AMBRA1: variants seen among roughly 807,000 people sequenced by gnomAD.
AMBRA1 encodes autophagy and beclin 1 regulator 1, also known as activating molecule in BECN1-regulated autophagy protein 1.
A neutral mutation model predicts 125.4 loss-of-function variants in AMBRA1; 47 were observed. That is an observed-to-expected ratio of 0.37 (90% CI 0.30 to 0.48). The LOEUF is 0.48. AMBRA1 is among the 20% of genes least tolerant of loss of function. The pLI is 0.99. For missense variants in AMBRA1, 1,331 were observed against 1,693.4 expected (o/e 0.79, Z 3.76); for synonymous variants, 626 against 655.5 (o/e 0.95, Z 0.69).
intron 1 of AMBRA1, among the ~76,000 whole-genome samples, chr11:46,579,569 C>A (rs906127928): frequency 2.0e-5 from 3 of 152,158 alleles, no homozygotes; most frequent in Non-Finnish European, 4.4e-5. Flanking sequence ...TATCTTCATA[C>A]CCTCACCCTT....
intron 11 of AMBRA1, among the ~76,000 whole-genome samples, chr11:46,489,747 TAA>T (rs1400650550): frequency 1.3e-5 from 2 of 152,200 alleles, no homozygotes; most frequent in Non-Finnish European, 2.9e-5. Context: ...GTTCTTCCAG[TAA>T]TTACCAGGAA....
At chr11:46,443,967 C>T (rs1004378003) in intron 11 of AMBRA1, among the ~76,000 whole-genome samples, 1 of 152,128 alleles carries the variant, frequency 6.6e-6, no homozygotes, top group Non-Finnish European at 1.5e-5. Flanking sequence ...TGGGAAGACA[C>T]CATTAACACA....
chr11:46,428,996 A>G, intron 14 of AMBRA1: 2 of 1,612,256 alleles, frequency 1.2e-6, no homozygotes, highest in Non-Finnish European at 1.7e-6. Context: ...TCGGGACTTG[A>G]GAGACTGCAT....
intron 17 of AMBRA1, among the ~76,000 whole-genome samples, chr11:46,402,528 AT>A (rs917409896): frequency 3.3e-5 from 5 of 151,222 alleles, no homozygotes; most frequent in African/African-American, 7.3e-5. Flanking sequence ...CACTTAGCTA[AT>A]TTTTTTTTGT....
At chr11:46,407,859 G>T (rs1395483960) in intron 17 of AMBRA1, among the ~76,000 whole-genome samples, 2 of 152,150 alleles carry the variant, frequency 1.3e-5, no homozygotes, top group South Asian at 4.1e-4. Flanking sequence ...CTGGAGGTAG[G>T]GGGTGAGGAT....
At chr11:46,544,098 A>G (rs1952884034) in intron 5 of AMBRA1, 57 bp from the exon 6 acceptor site, 2 of 1,398,066 alleles carry the variant, frequency 1.4e-6, no homozygotes, top group Non-Finnish European at 2.0e-6. Flanking sequence ...GTTAACTGAG[A>G]AGAGGAAACT....
chr11:46,532,405 A>G (rs1952258279), intron 7 of AMBRA1, among the ~76,000 whole-genome samples: 1 of 152,198 alleles, frequency 6.6e-6, no homozygotes, highest in African/African-American at 2.4e-5. Context: ...AGAATTTACT[A>G]CTGATAAGCT....
chr11:46,444,077 A>T (rs1948156716), intron 11 of AMBRA1, among the ~76,000 whole-genome samples: 1 of 152,242 alleles, frequency 6.6e-6, no homozygotes, highest in East Asian at 1.9e-4. Flanking sequence ...CTAATAGGAC[A>T]TCTCAAAAAC....
intron 7 of AMBRA1, among the ~76,000 whole-genome samples, chr11:46,525,586 A>G (rs746538470): frequency 6.6e-6 from 1 of 152,096 alleles, no homozygotes; most frequent in African/African-American, 2.4e-5. Context: ...CCCTGTCCCT[A>G]TTAAAAATAC....
chr11:46,476,843 T>G (rs1949833070), intron 11 of AMBRA1, among the ~76,000 whole-genome samples: 1 of 152,192 alleles, frequency 6.6e-6, no homozygotes, highest in South Asian at 2.1e-4. Context: ...CTGGGTGTGG[T>G]GCCTCACGCC....
chr11:46,554,896 G>C (rs867782758), intron 1 of AMBRA1, among the ~76,000 whole-genome samples: 1 of 152,062 alleles, frequency 6.6e-6, no homozygotes, highest in African/African-American at 2.4e-5. Context: ...ATCACCAAAA[G>C]CTTATCCAAG....
At chr11:46,442,539 C>T (rs1948071027) in intron 12 of AMBRA1, among the ~76,000 whole-genome samples, 1 of 152,118 alleles carries the variant, frequency 6.6e-6, no homozygotes, top group Non-Finnish European at 1.5e-5. Flanking sequence ...TGGACCATCC[C>T]TCTCAGAAAT....
chr11:46,462,945 G>C (rs1949159484), intron 11 of AMBRA1, among the ~76,000 whole-genome samples: 1 of 151,932 alleles, frequency 6.6e-6, no homozygotes, highest in African/African-American at 2.4e-5. Context: ...GTAGAGACGG[G>C]GTTTCACCAT....
intron 7 of AMBRA1, among the ~76,000 whole-genome samples, chr11:46,514,641 ATT>A (rs34171336): frequency 6.8e-6 from 1 of 146,480 alleles, no homozygotes; most frequent in Non-Finnish European, 1.5e-5. Context: ...AATTGGCAGG[ATT>A]TTTTTTTTTT....
intron 1 of AMBRA1, among the ~76,000 whole-genome samples, chr11:46,551,058 C>A (rs2042979498): frequency 6.9e-6 from 1 of 144,918 alleles, no homozygotes. Flanking sequence ...GATCGCGCCA[C>A]TGCACTCCAG....
At chr11:46,555,051 G>GT (rs1452496346) in intron 1 of AMBRA1, among the ~76,000 whole-genome samples, 1 of 151,998 alleles carries the variant, frequency 6.6e-6, no homozygotes. Context: ...TTCAGCCCAG[G>GT]TAATAGAGTG....
intron 11 of AMBRA1, among the ~76,000 whole-genome samples, chr11:46,465,251 G>T (rs554793030): frequency 6.6e-6 from 1 of 151,918 alleles, no homozygotes; most frequent in Non-Finnish European, 1.5e-5. Flanking sequence ...GCTCCTCCCT[G>T]CCCTCCTTCT....
intron 17 of AMBRA1, among the ~76,000 whole-genome samples, chr11:46,402,663 C>T (rs144749594): frequency 2.0e-5 from 3 of 152,198 alleles, no homozygotes; most frequent in East Asian, 1.9e-4. Context: ...TGGAGAAGCA[C>T]TTACATGTCT....
intron 17 of AMBRA1, among the ~76,000 whole-genome samples, chr11:46,404,212 A>C (rs879773877): frequency 4.6e-5 from 7 of 152,056 alleles, no homozygotes; most frequent in African/African-American, 7.2e-5. Context: ...AAAATAAATA[A>C]ATCTTGGTGC....
Sources: gnomAD v4.1 joint callset for allele counts (sites outside exome capture counted in the v4.1 genomes callset) on GRCh38, gnomAD v4.1.1 for gene constraint, MANE v1.5 for transcripts, NCBI Gene and HGNC (gene_info 2026-07-23, HGNC 2026-07-21) for gene names.